SBF2: variants seen among roughly 807,000 people sequenced by gnomAD.
SBF2 encodes the protein myotubularin-related protein 13.
A neutral mutation model predicts 225.2 loss-of-function variants in SBF2; 112 were observed. The observed-to-expected ratio is 0.50, with a 90% CI of 0.43 to 0.58. SBF2 has a LOEUF of 0.58. Ranked by LOEUF, SBF2 falls within the 20% of genes least tolerant of loss-of-function variation. The probability of loss-of-function intolerance (pLI) is 0.00; values close to 1 mark genes in which losing one functional copy is unlikely to be tolerated. For synonymous variants in SBF2, 763 were observed against 773.3 expected (o/e 0.99, Z 0.22); for missense variants, 1,996 against 2,206.2 (o/e 0.90, Z 1.91).
chr11:9,784,584 TC>T, intron 37 of SBF2, 146 bp from the exon 38 acceptor site: 1 of 693,370 alleles, frequency 1.4e-6, no homozygotes, highest in African/African-American at 1.8e-5. Context: ...CTGGATTTTT[TC>T]TGCTAGACCT....
rs1239244855 is a variant in SBF2, at chr11:9,800,629, T to TATC, written c.4444-4675_4444-4673dup. 5.9e-5 allele frequency among the ~76,000 whole-genome samples: 9 copies of TATC among 152,234 alleles called. No homozygotes were observed. The East Asian group carries it at 1.5e-3, about 26-fold the overall frequency. ...TCACTGTGTTAGCCAGGATGGTCTCTATCTCCTGACCTCGTGATCTGCCTG... is the reference window on the plus strand; with the variant it reads ...TCACTGTGTTAGCCAGGATGGTCTCTATCATCTCCTGACCTCGTGATCTGCCTG... On this transcript the variant is annotated intron_variant, in intron 32 of 39. Transcript: ENST00000256190.
chr11:10,243,532 T>G (rs1016828208), intron 1 of SBF2, among the ~76,000 whole-genome samples: 4 of 148,544 alleles, frequency 2.7e-5, no homozygotes, highest in African/African-American at 9.9e-5. Flanking sequence ...AAATAAAGAG[T>G]TTTTTGAAAA....
intron 23 of SBF2, among the ~76,000 whole-genome samples, chr11:9,846,631 T>TA (rs1219859792): frequency 2.0e-5 from 3 of 152,204 alleles, no homozygotes; most frequent in Non-Finnish European, 4.4e-5. Flanking sequence ...GATGACAAGA[T>TA]AATTGCTTTT....
At chr11:9,852,138 C>T (rs892430476) in intron 21 of SBF2, among the ~76,000 whole-genome samples, 1 of 152,160 alleles carries the variant, frequency 6.6e-6, no homozygotes, top group Admixed American at 6.5e-5. Context: ...GAACCATAGT[C>T]TACTGGCGCC....
intron 21 of SBF2, among the ~76,000 whole-genome samples, chr11:9,851,686 C>T (rs760328081): frequency 1.1e-4 from 17 of 152,202 alleles, no homozygotes; most frequent in Non-Finnish European, 1.9e-4. Context: ...GTATAATAAT[C>T]GCTGTGTCTC....
intron 1 of SBF2, among the ~76,000 whole-genome samples, chr11:10,222,325 T>C (rs950471208): frequency 1.3e-5 from 2 of 152,190 alleles, no homozygotes; most frequent in African/African-American, 4.8e-5. Flanking sequence ...TCCAGGATGA[T>C]CCAGATGTTG....
At chr11:10,103,917 CA>C (rs1025880643) in intron 2 of SBF2, among the ~76,000 whole-genome samples, 4 of 151,940 alleles carry the variant, frequency 2.6e-5, no homozygotes, top group African/African-American at 9.7e-5. Flanking sequence ...CTCATTGCTC[CA>C]AAAAACCTTT....
chr11:10,208,600 G>GA (rs1173522510), intron 1 of SBF2, among the ~76,000 whole-genome samples: 15 of 150,676 alleles, frequency 1.0e-4, no homozygotes, highest in African/African-American at 3.6e-4. Context: ...ACAGAATGGA[G>GA]AAAAAAAAAG....
chr11:9,890,731 C>T (rs1219937969), intron 17 of SBF2, among the ~76,000 whole-genome samples: 4 of 152,152 alleles, frequency 2.6e-5, no homozygotes, highest in Non-Finnish European at 5.9e-5. Context: ...AATGGGACGG[C>T]TTTGCCATAT....
At chr11:9,981,371 T>C (rs1247010432) in intron 13 of SBF2, among the ~76,000 whole-genome samples, 1 of 152,070 alleles carries the variant, frequency 6.6e-6, no homozygotes, top group African/African-American at 2.4e-5. Flanking sequence ...GCCTGGGTGA[T>C]GGCATCAATC....
Position 9,936,351 on chromosome 11 carries a change from G to A in SBF2, c.1860+25606C>T, listed in dbSNP as rs183390816. ...GAAATAGGAATGCTTTTACACTGTTGGTGGGACTGTAAATGAGTTCAACCA... is the reference window on the plus strand; with the variant it reads ...GAAATAGGAATGCTTTTACACTGTTAGTGGGACTGTAAATGAGTTCAACCA... On this transcript the variant is annotated intron_variant, in intron 16 of 39. Coordinates refer to ENST00000256190, the MANE Select transcript of SBF2 (RefSeq NM_030962.4). Among the ~76,000 whole-genome samples, 38 of 152,272 alleles carry A rather than the reference G, an allele frequency of 2.5e-4. No individual in the cohort carries two copies. The East Asian group carries it at 6.8e-3, about 27-fold the overall frequency.
chr11:10,212,033 T>G (rs894160443), intron 1 of SBF2, among the ~76,000 whole-genome samples: 1 of 152,194 alleles, frequency 6.6e-6, no homozygotes, highest in Non-Finnish European at 1.5e-5. Context: ...ACCTTTCAAG[T>G]CTTTAATATG....
intron 17 of SBF2, among the ~76,000 whole-genome samples, chr11:9,871,245 C>T (rs1426828769): frequency 6.6e-6 from 1 of 151,742 alleles, no homozygotes; most frequent in East Asian, 1.9e-4. Context: ...GCAATCTATC[C>T]ATCTGACGAA....
At chr11:9,967,993 A>AAT (rs1048360806) in intron 14 of SBF2, among the ~76,000 whole-genome samples, 1 of 125,134 alleles carries the variant, frequency 8.0e-6, no homozygotes, top group African/African-American at 2.7e-5. Context: ...ATATATATAA[A>AAT]ATATATATAT....
intron 2 of SBF2, among the ~76,000 whole-genome samples, chr11:10,176,599 G>A (rs921664947): frequency 3.9e-5 from 6 of 152,104 alleles, no homozygotes; most frequent in Non-Finnish European, 7.4e-5. Context: ...AGAAGAAATG[G>A]ATAAATTCCT....
rs894429934 is a variant in SBF2 at position 10,017,978 on chromosome 11, G to C, written c.619+10474C>G. On this transcript the variant is annotated intron_variant, in intron 6 of 39. Transcript: ENST00000256190. The stretch of plus-strand genomic sequence containing the variant: ...TGACCCAAATTCCTAGACTATGTCT[G>C]TTCTGCTTGACTTGGTTTTTATCTA... Among the ~76,000 whole-genome samples the C allele has an allele frequency of 2.0e-5, 3 of 151,988 alleles. No homozygotes were observed. In the East Asian group the frequency reaches 5.8e-4, roughly 29 times the overall value.
chr11:9,906,424 A>G (rs1388374530), intron 16 of SBF2, among the ~76,000 whole-genome samples: 1 of 152,244 alleles, frequency 6.6e-6, no homozygotes, highest in African/African-American at 2.4e-5. Flanking sequence ...TCCATGACCA[A>G]TTAGCAGGGA....
chr11:9,837,966 G>C (rs928425417), intron 26 of SBF2: 17 of 150,898 alleles, frequency 1.1e-4, no homozygotes, highest in African/African-American at 4.1e-4. Flanking sequence ...TCCATCTCTT[G>C]ACCTCGTGAT....
At chr11:9,897,622 T>C (rs561925349) in intron 16 of SBF2, among the ~76,000 whole-genome samples, 12 of 152,176 alleles carry the variant, frequency 7.9e-5, no homozygotes, top group East Asian at 3.8e-4. Context: ...AAAGCTGCAA[T>C]TGATTTTCCT....
Sources: allele counts gnomAD v4.1 joint callset (sites outside exome capture counted in the v4.1 genomes callset), GRCh38; gene constraint gnomAD v4.1.1; transcripts MANE v1.5; gene names NCBI Gene and HGNC (gene_info 2026-07-23, HGNC 2026-07-21).